AGAP1: variants seen among roughly 807,000 people sequenced by gnomAD.
AGAP1 encodes the protein arf-GAP with GTPase, ANK repeat and PH domain-containing protein 1.
In AGAP1, 29 loss-of-function variants were observed where a neutral mutation model predicts 105.3. The ratio of observed to expected loss-of-function variants is 0.28; its 90% CI spans 0.21 to 0.38. AGAP1 has a LOEUF of 0.38. Ranked by LOEUF, AGAP1 falls within the 10% of genes least tolerant of loss-of-function variation. AGAP1 has a pLI of 1.00. For synonymous variants in AGAP1, 509 were observed against 485.9 expected, an observed-to-expected ratio of 1.05 and a Z score of -0.63; for missense variants, 998 against 1,165.1, an observed-to-expected ratio of 0.86 and a Z score of 2.09.
rs1379690475 is a variant in AGAP1, at chr2:236,046,417, C to A, written c.1892-2642C>A. Among the ~76,000 whole-genome samples, 1 of 152,028 alleles carries A rather than the reference C, an allele frequency of 6.6e-6. No homozygotes were observed. The highest frequency in any genetic ancestry group is 1.5e-5 in the Non-Finnish European group (1 of 68,000). On this transcript the variant is annotated intron_variant, in intron 15 of 17. Transcript: ENST00000304032. This position sits in a 1 kb window ranked among gnomAD's most constrained non-coding sequence, Gnocchi z 5.2. ...CCAGTTGCGATGCTGGTGAGGACGCCCATGGGAGCATAAGTTCGAGAAGAA... is the reference window on the plus strand; with the variant it reads ...CCAGTTGCGATGCTGGTGAGGACGCACATGGGAGCATAAGTTCGAGAAGAA...
At position 235,975,399 on chromosome 2, in the gene AGAP1, C is replaced by CCA. The variant is rs747662937; in HGVS notation, c.1645+6776_1645+6777insCA. ...GGGTGCGTGGAAGCTCTCAGTTAAT[C>CCA]TGTAACCATCCGGTTAGATGGACTA... On this transcript the variant is annotated intron_variant, in intron 13 of 17. Transcript: ENST00000304032. 2.2e-4 allele frequency among the ~76,000 whole-genome samples: 33 copies of CCA among 152,144 alleles called. 1 individual carries two copies. In the South Asian group the frequency reaches 6.7e-3, roughly 31 times the overall value.
Position 236,027,234 on chromosome 2 carries a change from A to G in AGAP1, c.1646-9327A>G, listed in dbSNP as rs147721966. Among the ~76,000 whole-genome samples the G allele has an allele frequency of 6.4e-3, 980 of 152,054 alleles. 7 individuals carry two copies. Among genetic ancestry groups the G allele is most frequent in the African/African-American group, 0.022 (915 of 41,500 alleles). On this transcript the variant is annotated intron_variant, in intron 13 of 17. Coordinates refer to ENST00000304032, the MANE Select transcript of AGAP1 (RefSeq NM_001037131.3). This position sits in a 1 kb window ranked among gnomAD's most constrained non-coding sequence, Gnocchi z 4.4. ...AAACTCTACGTGTGGGTATTCACCT[A>G]TTACCCTCCCTCAAAATAAAAAATG...
intron 13 of AGAP1, among the ~76,000 whole-genome samples, chr2:235,999,942 C>T (rs539430913): frequency 6.6e-6 from 1 of 152,074 alleles, no homozygotes; most frequent in Non-Finnish European, 1.5e-5. Flanking sequence ...ACACCAAGAA[C>T]GTAGTTTTAT....
intron 1 of AGAP1, among the ~76,000 whole-genome samples, chr2:235,590,676 TGTGTGTGTGCGTGTGC>T (rs1945298179): frequency 2.9e-5 from 3 of 103,898 alleles, no homozygotes; most frequent in African/African-American, 1.3e-4. Context: ...TGTGTGTGTG[TGTGTGTGTGCGTGTGC>T]GTGTGTGTGT....
At chr2:235,810,193 A>G (rs1311197502) in intron 9 of AGAP1, among the ~76,000 whole-genome samples, 1 of 152,206 alleles carries the variant, frequency 6.6e-6, no homozygotes, top group Non-Finnish European at 1.5e-5. Context: ...CTGCAGCAAC[A>G]TATTTCTCCA....
At chr2:236,106,002 G>A (rs567595282) in intron 16 of AGAP1, among the ~76,000 whole-genome samples, 1 of 152,290 alleles carries the variant, frequency 6.6e-6, no homozygotes, top group African/African-American at 2.4e-5. Flanking sequence ...ATCACACAGG[G>A]GGTTAGGGCT....
rs977781637 is a variant in AGAP1, at chr2:236,078,844, G to A, written c.2114+29563G>A. Among the ~76,000 whole-genome samples, 112 of 152,282 alleles carry A rather than the reference G, an allele frequency of 7.4e-4. No individual in the cohort carries two copies. The highest frequency in any genetic ancestry group is 2.2e-3 in the African/African-American group (92 of 41,566). On this transcript the variant is annotated intron_variant, in intron 16 of 17. Transcript: ENST00000304032. The surrounding 1 kb of genome is among the most constrained non-coding windows in gnomAD (Gnocchi z 5.3). ...TACCCCTGCAGCGGCCCCATCCCAC[G>A]TGGTTAAGTGGGTGGCCACACCCAC...
intron 1 of AGAP1, among the ~76,000 whole-genome samples, chr2:235,699,460 C>T (rs1242958316): frequency 6.6e-6 from 1 of 152,100 alleles, no homozygotes; most frequent in African/African-American, 2.4e-5. Flanking sequence ...CTTTTTTCCC[C>T]TGGAGTTCTG....
intron 1 of AGAP1, among the ~76,000 whole-genome samples, chr2:235,607,787 C>T (rs903722177): frequency 2.0e-5 from 3 of 152,156 alleles, no homozygotes; most frequent in Admixed American, 6.5e-5. Flanking sequence ...GAGACTGCTG[C>T]GCTGGTGGGA....
In AGAP1 at chr2:235,747,538, C is replaced by T. The variant is rs1170850787; in HGVS notation, c.538+2699C>T. 6.6e-6 allele frequency among the ~76,000 whole-genome samples: 1 copy of T among 152,120 alleles called. No individual in the cohort carries two copies. Among genetic ancestry groups the T allele is most frequent in the Non-Finnish European group, 1.5e-5 (1 of 68,028 alleles). ...GCAGGACTCCTCTTAGCTGGGCCACCCCCAGATGAACCAGAACGAAAAGTT... is the reference window on the plus strand; with the variant it reads ...GCAGGACTCCTCTTAGCTGGGCCACTCCCAGATGAACCAGAACGAAAAGTT... On this transcript the variant is annotated intron_variant, in intron 5 of 17. Transcript: ENST00000304032. The surrounding 1 kb of genome is among the most constrained non-coding windows in gnomAD (Gnocchi z 5.0).
In AGAP1 at chr2:235,754,783, C is replaced by T. The variant is rs946539465; in HGVS notation, c.673+4295C>T. Among the ~76,000 whole-genome samples the T allele has an allele frequency of 6.6e-6, 1 of 152,148 alleles. No homozygotes were observed. Among genetic ancestry groups the T allele is most frequent in the African/African-American group, 2.4e-5 (1 of 41,426 alleles). On this transcript the variant is annotated intron_variant, in intron 6 of 17. Transcript: ENST00000304032. This position sits in a 1 kb window ranked among gnomAD's most constrained non-coding sequence, Gnocchi z 4.6. ...TGTGCGTCTGGTCAGGGGCTAGAGG[C>T]AGATTGGGAAGCGCAGGCAGGGTCC...
Position 235,908,870 on chromosome 2 carries a change from A to G in AGAP1, c.1288A>G (p.Lys430Glu), listed in dbSNP as rs146040215. The G allele has an allele frequency of 6.2e-7, 1 of 1,613,996 alleles. No homozygotes were observed. Among genetic ancestry groups the G allele is most frequent in the African/African-American group, 1.3e-5 (1 of 74,910 alleles). ...ISSPKTNGLS[K>E]DMSSLHISPN... is the part of the protein sequence containing the mutation. ...CAGCCCTAAAACCAATGGCCTATCCAAGGACATGAGCAGTTTACACATCTC... is the reference window on the plus strand; with the variant it reads ...CAGCCCTAAAACCAATGGCCTATCCGAGGACATGAGCAGTTTACACATCTC... Residue 430 changes from lysine to glutamate, a missense_variant, in exon 11 of 18, where the codon AAG becomes GAG. By Grantham distance (56) the Lys-to-Glu change is moderately conservative (BLOSUM62 1). Coordinates refer to ENST00000304032, the MANE Select transcript of AGAP1 (RefSeq NM_001037131.3). The surrounding 1 kb of genome is among the most constrained non-coding windows in gnomAD (Gnocchi z 4.4).
At chr2:235,595,561 C>T (rs1311051800) in intron 1 of AGAP1, among the ~76,000 whole-genome samples, 1 of 152,224 alleles carries the variant, frequency 6.6e-6, no homozygotes, top group African/African-American at 2.4e-5. Flanking sequence ...GTCAGTGCCA[C>T]TTCCTACAAA....
At chr2:235,696,011 A>T (rs1402167309) in intron 1 of AGAP1, among the ~76,000 whole-genome samples, 1 of 152,164 alleles carries the variant, frequency 6.6e-6, no homozygotes, top group African/African-American at 2.4e-5. Context: ...GGGCACCAGG[A>T]TGGGTATTGC....
chr2:235,799,447 G>A lies in AGAP1; in HGVS notation c.882G>A (p.Arg294=). ...CCAGCACCAGCCAGAAGGAACTTCG[G>A]ATCGATGTTCCTCCCACTGCCAACA... The part of the protein sequence containing the change: ...STPSTSQKEL[R]IDVPPTANTP... The change falls in exon 8 of 18, where the codon CGG becomes CGA. Residue 294 remains arginine, a synonymous_variant. Coordinates refer to ENST00000304032, the MANE Select transcript of AGAP1 (RefSeq NM_001037131.3). This position sits in a 1 kb window ranked among gnomAD's most constrained non-coding sequence, Gnocchi z 5.0. 1.9e-6 allele frequency: 3 copies of A among 1,614,184 alleles called. No individual in the cohort carries two copies. Among genetic ancestry groups the A allele is most frequent in the Non-Finnish European group, 2.5e-6 (3 of 1,180,022 alleles).
Position 235,874,407 on chromosome 2 carries a change from G to C in AGAP1, c.1051-8938G>C, listed in dbSNP as rs1183736231. On this transcript the variant is annotated intron_variant, in intron 9 of 17. Transcript: ENST00000304032. The surrounding 1 kb of genome is among the most constrained non-coding windows in gnomAD (Gnocchi z 4.5). ...TACCTGGTGATGTAGAAGGAAGTTG[G>C]CTTAACTGGGGGCGCTGCAGCAGCT... Among the ~76,000 whole-genome samples the C allele has an allele frequency of 3.3e-5, 5 of 152,168 alleles. No homozygotes were observed. Among genetic ancestry groups the C allele is most frequent in the Admixed American group, 2.0e-4 (3 of 15,278 alleles).
At chr2:235,616,855 G>T (rs1946322622) in intron 1 of AGAP1, among the ~76,000 whole-genome samples, 1 of 152,114 alleles carries the variant, frequency 6.6e-6, no homozygotes, top group Non-Finnish European at 1.5e-5. Flanking sequence ...CTTTTTTGTT[G>T]CTTCGCTGAA....
intron 9 of AGAP1, among the ~76,000 whole-genome samples, chr2:235,817,717 C>T (rs1418859016): frequency 1.3e-5 from 2 of 152,086 alleles, no homozygotes; most frequent in African/African-American, 2.4e-5. Context: ...ATGGCGAAAC[C>T]CCATCTCTAC....
intron 9 of AGAP1, among the ~76,000 whole-genome samples, chr2:235,852,002 C>T (rs754487313): frequency 5.3e-5 from 8 of 152,074 alleles, no homozygotes; most frequent in Admixed American, 1.3e-4. Flanking sequence ...TAACAACCTC[C>T]GCTGAATAGA....
Sources: gnomAD v4.1 joint callset for allele counts (sites outside exome capture counted in the v4.1 genomes callset) on GRCh38, gnomAD v4.1.1 for gene constraint, Gnocchi (gnomAD v3.1) non-coding constraint, MANE v1.5 for transcripts, NCBI Gene and HGNC (gene_info 2026-07-23, HGNC 2026-07-21) for gene names.